Variants in SLC24A4 observed in about 807,000 individuals in gnomAD.
The protein encoded by SLC24A4 is sodium/potassium/calcium exchanger 4.
Under a neutral mutation model 79.0 loss-of-function variants are expected in SLC24A4, and 53 were observed. The ratio of observed to expected loss-of-function variants is 0.67; its 90% confidence interval spans 0.54 to 0.84. The LOEUF is 0.84. SLC24A4 is among the 40% of genes least tolerant of loss of function. The pLI is 0.00. For synonymous variants in SLC24A4, 323 were observed against 323.8 expected (o/e 1.00, Z 0.03); for missense variants, 731 against 822.0 (o/e 0.89, Z 1.35).
chr14:92,403,839 C>A (rs72631609), intron 2 of SLC24A4, among the ~76,000 whole-genome samples: 1 of 150,222 alleles, frequency 6.7e-6, no homozygotes, highest in Non-Finnish European at 1.5e-5. Flanking sequence ...CCCTCCCCCC[C>A]ACCCTGGCAC....
intron 2 of SLC24A4, among the ~76,000 whole-genome samples, chr14:92,377,010 T>G (rs1888550206): frequency 2.6e-5 from 4 of 152,204 alleles, no homozygotes; most frequent in African/African-American, 9.6e-5. Context: ...AAGCTCCTCG[T>G]GAGGGGCTCA....
chr14:92,400,204 G>A (rs1035669638), intron 2 of SLC24A4, among the ~76,000 whole-genome samples: 3 of 152,188 alleles, frequency 2.0e-5, no homozygotes, highest in Non-Finnish European at 4.4e-5. Context: ...ACTTTGGGAG[G>A]CCAAGGCGGG....
At chr14:92,445,271 A>G in intron 7 of SLC24A4, 46 bp from the exon 8 acceptor site, 1 of 1,612,258 alleles carries the variant, frequency 6.2e-7, no homozygotes, top group Non-Finnish European at 8.5e-7. Flanking sequence ...TTGTTTGGAA[A>G]TAAATATGTC....
chr14:92,323,594 G>T lies in SLC24A4; in HGVS notation c.-237G>T. ...CGCCTCCTCGCCACGGAGCCATGGT[G>T]CGCGCAGCGCGCACGCGGCGCGCGG... On this transcript the variant is annotated 5_prime_UTR_variant, in exon 1 of 17. Transcript: ENST00000532405. This position sits in a 1 kb window ranked among gnomAD's most constrained non-coding sequence, Gnocchi z 4.9. The T allele has an allele frequency of 5.4e-6, 2 of 371,502 alleles. No homozygotes were observed. The highest frequency in any genetic ancestry group is 8.8e-5 in the East Asian group (2 of 22,650). 23.0% of individuals were successfully genotyped at this position (371,502 alleles called of 1,614,324 possible).
At chr14:92,491,060 G>A (rs1174638900) in intron 14 of SLC24A4, among the ~76,000 whole-genome samples, 3 of 152,134 alleles carry the variant, frequency 2.0e-5, no homozygotes, top group Admixed American at 2.0e-4. Flanking sequence ...CACATTGTTC[G>A]AGTCACCCCA....
intron 8 of SLC24A4, among the ~76,000 whole-genome samples, chr14:92,445,983 G>T (rs543426946): frequency 2.0e-5 from 3 of 152,136 alleles, no homozygotes; most frequent in Admixed American, 1.3e-4. Flanking sequence ...AATGGCTTGC[G>T]CCCAGGAGTT....
chr14:92,415,785 C>A (rs373972513), intron 2 of SLC24A4, among the ~76,000 whole-genome samples: 2 of 151,498 alleles, frequency 1.3e-5, no homozygotes, highest in African/African-American at 2.4e-5. Context: ...TTTTTAATTT[C>A]CATAGGGTTT....
intron 11 of SLC24A4, 98 bp from the exon 12 acceptor site, chr14:92,456,306 C>T (rs1352800495): frequency 8.1e-7 from 1 of 1,238,958 alleles, no homozygotes; most frequent in African/African-American, 1.5e-5. Context: ...GTTCTAGGCA[C>T]CTGTAAGAGC....
At chr14:92,336,240 G>T (rs1267223582) in intron 2 of SLC24A4, among the ~76,000 whole-genome samples, 1 of 152,206 alleles carries the variant, frequency 6.6e-6, no homozygotes, top group South Asian at 2.1e-4. Flanking sequence ...GCCGTTGGAC[G>T]TAACAGAAAA....
chr14:92,329,924 G>A (rs926486686), intron 2 of SLC24A4, among the ~76,000 whole-genome samples: 1 of 152,234 alleles, frequency 6.6e-6, no homozygotes, highest in Non-Finnish European at 1.5e-5. Flanking sequence ...CTTAATCCTG[G>A]CTGCATATTA....
rs1895892014 is a variant in SLC24A4 at position 92,495,477 on chromosome 14, C to A, written c.*1849C>A. The stretch of plus-strand genomic sequence containing the variant: ...AAATCAGCAAAGAGGGAAGGCAGGG[C>A]CCCTGTAGATTCACCAGTATAAACT... On this transcript the variant is annotated 3_prime_UTR_variant, in exon 17 of 17. Coordinates refer to ENST00000532405, the MANE Select transcript of SLC24A4 (RefSeq NM_153646.4). The A allele has an allele frequency of 6.6e-6, 1 of 152,084 alleles. No individual in the cohort carries two copies. Among genetic ancestry groups the A allele is most frequent in the Non-Finnish European group, 1.5e-5 (1 of 68,020 alleles). The allele number at this position is 152,084 out of a possible 1,614,324, so 9.4% of individuals were successfully genotyped here.
In SLC24A4 at chr14:92,501,261, T is replaced by C. The variant is rs1011444486; in HGVS notation, c.*7633T>C. On this transcript the variant is annotated 3_prime_UTR_variant, in exon 17 of 17. Coordinates refer to ENST00000532405, the MANE Select transcript of SLC24A4 (RefSeq NM_153646.4). ...TTTCAATAACTGTGACCTCCTGCAC[T>C]GTGAATGCTCTGTGACATGAGATTC... The C allele has an allele frequency of 7.2e-5, 11 of 152,254 alleles. No homozygotes were observed. The highest frequency in any genetic ancestry group is 1.7e-4 in the African/African-American group (7 of 41,470). 9.4% of individuals were successfully genotyped at this position (152,254 alleles called of 1,614,324 possible).
intron 2 of SLC24A4, among the ~76,000 whole-genome samples, chr14:92,343,681 C>T (rs559021666): frequency 5.0e-5 from 7 of 138,746 alleles, no homozygotes; most frequent in Admixed American, 2.2e-4. Flanking sequence ...TCCTTCCTTC[C>T]TTCCTTCCTT....
At chr14:92,442,227 C>T in intron 5 of SLC24A4, 54 bp downstream of exon 5, 1 of 1,441,150 alleles carries the variant, frequency 6.9e-7, no homozygotes, top group Non-Finnish European at 9.7e-7. Context: ...CATTTGGTGC[C>T]CAGAGCAGTG....
intron 2 of SLC24A4, among the ~76,000 whole-genome samples, chr14:92,415,621 C>T (rs532248824): frequency 6.6e-6 from 1 of 152,132 alleles, no homozygotes; most frequent in East Asian, 1.9e-4. Context: ...CCACATCCAG[C>T]TAATTTTTGT....
At chr14:92,394,129 C>T (rs935043631) in intron 2 of SLC24A4, among the ~76,000 whole-genome samples, 1 of 151,940 alleles carries the variant, frequency 6.6e-6, no homozygotes, top group African/African-American at 2.4e-5. Context: ...ACAGGTGTGA[C>T]CCACCATTCC....
chr14:92,482,594 G>A (rs1420762881), intron 12 of SLC24A4, 86 bp from the exon 13 acceptor site: 30 of 1,316,214 alleles, frequency 2.3e-5, no homozygotes, highest in Non-Finnish European at 1.0e-6. Context: ...TTAGCTTGAA[G>A]ACTAAATCGA....
At chr14:92,435,288 T>C (rs1428613862) in intron 3 of SLC24A4, among the ~76,000 whole-genome samples, 1 of 152,242 alleles carries the variant, frequency 6.6e-6, no homozygotes, top group Non-Finnish European at 1.5e-5. Flanking sequence ...TGTGCTGGAA[T>C]AGGCAAACTA....
intron 2 of SLC24A4, among the ~76,000 whole-genome samples, chr14:92,359,596 C>G (rs1188641929): frequency 6.7e-6 from 1 of 148,252 alleles, no homozygotes; most frequent in African/African-American, 2.5e-5. Context: ...GACTTCATTT[C>G]AAAAGAAAAA....
Sources: allele counts gnomAD v4.1 joint callset (sites outside exome capture counted in the v4.1 genomes callset), GRCh38; gene constraint gnomAD v4.1.1; non-coding constraint Gnocchi (gnomAD v3.1); transcripts MANE v1.5; gene names NCBI Gene and HGNC (gene_info 2026-07-23, HGNC 2026-07-21).